OSBPL10: variants seen among roughly 807,000 people sequenced by gnomAD.
The protein encoded by OSBPL10 is oxysterol binding protein like 10, also known as oxysterol-binding protein-related protein 10.
A neutral mutation model predicts 81.7 loss-of-function variants in OSBPL10; 49 were observed. That is an observed-to-expected ratio of 0.60 (90% CI 0.48 to 0.76). The LOEUF (loss-of-function observed/expected upper bound fraction) is 0.76, where lower values mean the gene tolerates loss of function less well. Ranked by LOEUF, OSBPL10 falls within the 30% of genes least tolerant of loss-of-function variation. The pLI is 0.00. For missense variants in OSBPL10, 923 were observed against 987.8 expected (o/e 0.93, Z 0.88); for synonymous variants, 419 against 383.6 (o/e 1.09, Z -1.08).
intron 3 of OSBPL10, among the ~76,000 whole-genome samples, chr3:31,859,866 G>A (rs1206597485): frequency 3.3e-5 from 5 of 152,180 alleles, no homozygotes; most frequent in African/African-American, 9.7e-5. Context: ...TGCTTAGGAA[G>A]GCCAAGAGCC....
intron 1 of OSBPL10, among the ~76,000 whole-genome samples, chr3:31,916,275 G>A (rs886475916): frequency 3.9e-5 from 6 of 152,142 alleles, no homozygotes; most frequent in Non-Finnish European, 7.3e-5. Flanking sequence ...AAGTTAACAT[G>A]CAGAAATCAA....
intron 4 of OSBPL10, among the ~76,000 whole-genome samples, chr3:31,817,889 G>T (rs1429003964): frequency 6.6e-6 from 1 of 152,206 alleles, no homozygotes; most frequent in African/African-American, 2.4e-5. Flanking sequence ...CAGACTGCTT[G>T]AGCTTAGGAG....
At chr3:31,848,757 T>C (rs1354003980) in intron 3 of OSBPL10, among the ~76,000 whole-genome samples, 2 of 152,192 alleles carry the variant, frequency 1.3e-5, no homozygotes, top group Non-Finnish European at 2.9e-5. Context: ...GCATGGCCAA[T>C]GGTCTAAAAT....
At chr3:31,814,617 A>G (rs1699785333) in intron 4 of OSBPL10, among the ~76,000 whole-genome samples, 1 of 152,226 alleles carries the variant, frequency 6.6e-6, no homozygotes, top group Non-Finnish European at 1.5e-5. Context: ...ACCAGAGGCT[A>G]GGACAGGCAT....
In OSBPL10 at chr3:31,747,978, T is replaced by TC. The variant is rs1408076591; in HGVS notation, c.871dup (p.Glu291GlyfsTer65). 4 of 1,613,982 alleles carry TC rather than the reference T, an allele frequency of 2.5e-6. No homozygotes were observed. In the Admixed American group the frequency reaches 5.0e-5, roughly 20 times the overall value. On this transcript the variant is annotated frameshift_variant, in exon 5 of 12. Transcript: ENST00000396556. LOFTEE classifies it high-confidence loss of function. The stretch of plus-strand genomic sequence containing the variant: ...ACTCTGCTGTAACAAGTTGAGGCAC[T>TC]CCCCAAGGCAGCTGAGGGTGGCAGC...
chr3:31,708,340 C>T lies in OSBPL10; in HGVS notation c.1096-5832G>A, dbSNP rs116661631. Among the ~76,000 whole-genome samples, 407 of 152,280 alleles carry T rather than the reference C, an allele frequency of 2.7e-3. 3 individuals carry two copies. The highest frequency in any genetic ancestry group is 9.4e-3 in the African/African-American group (392 of 41,552). ...AGTCATTTTCTCATTCCAATATGTACAGCATATTTAACCAAATTATCACAA... is the reference window on the plus strand; with the variant it reads ...AGTCATTTTCTCATTCCAATATGTATAGCATATTTAACCAAATTATCACAA... On this transcript the variant is annotated intron_variant, in intron 6 of 11. Transcript: ENST00000396556.
intron 4 of OSBPL10, among the ~76,000 whole-genome samples, chr3:31,811,144 G>T (rs1699668201): frequency 6.8e-6 from 1 of 146,456 alleles, no homozygotes; most frequent in Non-Finnish European, 1.5e-5. Context: ...AAGGGGCTCA[G>T]ATGTAGCCTG....
At chr3:31,689,881 C>G (rs927564945) in intron 7 of OSBPL10, among the ~76,000 whole-genome samples, 2 of 152,080 alleles carry the variant, frequency 1.3e-5, no homozygotes, top group East Asian at 3.9e-4. Context: ...TGAAAATGGA[C>G]TAACCCAATG....
chr3:32,043,962 A>ATGCTCACTACCTATTGGGTACTG (rs1200504471), intron 2 of OSBPL10, among the ~76,000 whole-genome samples: 2 of 151,988 alleles, frequency 1.3e-5, no homozygotes, highest in East Asian at 1.9e-4. Flanking sequence ...ATTGGGTACT[A>ATGCTCACTACCTATTGGGTACTG]TGCTCACTAC....
At chr3:31,893,364 AG>A (rs1695956812) in intron 1 of OSBPL10, among the ~76,000 whole-genome samples, 1 of 152,248 alleles carries the variant, frequency 6.6e-6, no homozygotes, top group Non-Finnish European at 1.5e-5. Context: ...AACCACAATG[AG>A]ATTCCAGTTC....
At chr3:31,909,475 G>A (rs1222225495) in intron 1 of OSBPL10, among the ~76,000 whole-genome samples, 1 of 151,560 alleles carries the variant, frequency 6.6e-6, no homozygotes, top group African/African-American at 2.4e-5. Context: ...TGTGGCTAAT[G>A]AAAGCTATTG....
intron 1 of OSBPL10, among the ~76,000 whole-genome samples, chr3:31,893,692 G>T (rs1047095638): frequency 3.3e-5 from 5 of 151,846 alleles, no homozygotes; most frequent in Non-Finnish European, 5.9e-5. Flanking sequence ...ATACTATTCA[G>T]CAATAAAAGT....
At chr3:31,762,403 A>G (rs551961031) in intron 4 of OSBPL10, among the ~76,000 whole-genome samples, 29 of 152,248 alleles carry the variant, frequency 1.9e-4, no homozygotes, top group South Asian at 1.0e-3. Flanking sequence ...GCAGTTTATA[A>G]CAGTGCTTTC....
At position 31,664,203 on chromosome 3, in the gene OSBPL10, A is replaced by G; in HGVS notation, c.2126T>C (p.Leu709Pro). 2 of 1,612,782 alleles carry G rather than the reference A, an allele frequency of 1.2e-6. No homozygotes were observed. Among genetic ancestry groups the G allele is most frequent in the Non-Finnish European group, 1.7e-6 (2 of 1,179,984 alleles). The change falls in exon 11 of 12, where the codon CTG (leucine) becomes CCG (proline). Residue 709 changes from leucine (L) to proline (P), a missense_variant. Transcript: ENST00000396556. ...GGCTGCGTCAATGTCCCCCAGCCGC[A>G]GGTATCGGGTCACCTCCCGCCAGAG... ...RNLWREVTRY[L>P]RLGDIDAATE...
intron 2 of OSBPL10, among the ~76,000 whole-genome samples, chr3:32,012,704 C>T (rs1392424805): frequency 3.3e-5 from 5 of 152,024 alleles, no homozygotes; most frequent in East Asian, 1.9e-4. Context: ...ACCTATCTCA[C>T]GTGCAGAGAC....
chr3:31,961,943 G>T (rs1315936031), intron 1 of OSBPL10, among the ~76,000 whole-genome samples: 1 of 150,458 alleles, frequency 6.6e-6, no homozygotes, highest in Non-Finnish European at 1.5e-5. Context: ...TGGCAGAGGG[G>T]AGGGTTGCTT....
At chr3:32,033,345 A>C (rs1183345087) in intron 2 of OSBPL10, among the ~76,000 whole-genome samples, 1 of 152,206 alleles carries the variant, frequency 6.6e-6, no homozygotes, top group African/African-American at 2.4e-5. Flanking sequence ...TGGAATTTAA[A>C]ATCTGACAAA....
chr3:31,766,643 G>A (rs1698209873), intron 4 of OSBPL10, among the ~76,000 whole-genome samples: 1 of 152,012 alleles, frequency 6.6e-6, no homozygotes, highest in African/African-American at 2.4e-5. Context: ...TGGCCCCAGT[G>A]TAGAATTCTG....
chr3:31,865,130 A>G (rs891667531), intron 3 of OSBPL10, among the ~76,000 whole-genome samples: 3 of 152,226 alleles, frequency 2.0e-5, no homozygotes, highest in Non-Finnish European at 4.4e-5. Flanking sequence ...CTGTAGATTA[A>G]AAGAACTGTT....
Sources: gnomAD v4.1 joint callset for allele counts (sites outside exome capture counted in the v4.1 genomes callset) on GRCh38, gnomAD v4.1.1 for gene constraint, MANE v1.5 for transcripts, NCBI Gene and HGNC (gene_info 2026-07-23, HGNC 2026-07-21) for gene names.